Variants in KCNH8 observed in about 807,000 individuals in gnomAD.
The protein encoded by KCNH8 is potassium voltage-gated channel subfamily H member 8, also known as voltage-gated delayed rectifier potassium channel KCNH8.
Under a neutral mutation model 103.6 loss-of-function variants are expected in KCNH8, and 70 were observed. That is an observed-to-expected ratio of 0.68 (90% CI 0.56 to 0.82). The LOEUF (loss-of-function observed/expected upper bound fraction) is 0.82, where lower values mean the gene tolerates loss of function less well. Ranked by LOEUF, KCNH8 falls within the 40% of genes least tolerant of loss-of-function variation. KCNH8 has a pLI of 0.00. For synonymous variants in KCNH8, 498 were observed against 489.4 expected, an observed-to-expected ratio of 1.02 and a Z score of -0.23; for missense variants, 1,217 against 1,329.9, an observed-to-expected ratio of 0.92 and a Z score of 1.32.
chr3:19,299,433 C>T (rs1012056313), intron 3 of KCNH8, among the ~76,000 whole-genome samples: 11 of 151,904 alleles, frequency 7.2e-5, no homozygotes, highest in African/African-American at 1.5e-4. Flanking sequence ...AGTTCGAGTA[C>T]GGATTGGGCA....
chr3:19,414,586 C>T (rs1305324829), intron 7 of KCNH8, among the ~76,000 whole-genome samples: 1 of 151,904 alleles, frequency 6.6e-6, no homozygotes, highest in Non-Finnish European at 1.5e-5. Context: ...AGGAAATACA[C>T]ACACAAAAGG....
intron 15 of KCNH8, among the ~76,000 whole-genome samples, chr3:19,531,523 T>C (rs113847813): frequency 0.01 from 1,558 of 152,350 alleles, 10 homozygotes; most frequent in Middle Eastern, 0.031. Flanking sequence ...AAGTATTCAG[T>C]TGAATCCCTT....
chr3:19,294,710 C>A (rs759820569), intron 3 of KCNH8, among the ~76,000 whole-genome samples: 4 of 152,146 alleles, frequency 2.6e-5, no homozygotes, highest in Non-Finnish European at 5.9e-5. Flanking sequence ...ACAAATAATG[C>A]AAACTAGGGT....
chr3:19,503,414 C>A (rs1367553159), intron 11 of KCNH8, among the ~76,000 whole-genome samples: 1 of 152,130 alleles, frequency 6.6e-6, no homozygotes, highest in African/African-American at 2.4e-5. Context: ...TTGACCCAGC[C>A]ATCCCATTAC....
intron 7 of KCNH8, among the ~76,000 whole-genome samples, chr3:19,397,606 C>T (rs930230330): frequency 6.6e-6 from 1 of 150,910 alleles, no homozygotes; most frequent in African/African-American, 2.4e-5. Context: ...TCCACATAAA[C>T]CATCAGAGGA....
At chr3:19,275,035 C>A (rs1331611133) in intron 2 of KCNH8, among the ~76,000 whole-genome samples, 1 of 151,274 alleles carries the variant, frequency 6.6e-6, no homozygotes. Context: ...AATATGATCT[C>A]ATCATTCTTA....
chr3:19,294,080 C>G (rs1011068431), intron 3 of KCNH8, among the ~76,000 whole-genome samples: 2 of 151,818 alleles, frequency 1.3e-5, no homozygotes, highest in African/African-American at 4.9e-5. Flanking sequence ...CTTAGCCTCT[C>G]TAAATGTGTT....
intron 5 of KCNH8, among the ~76,000 whole-genome samples, chr3:19,374,369 T>G (rs1320873886): frequency 6.6e-6 from 1 of 151,798 alleles, no homozygotes; most frequent in African/African-American, 2.4e-5. Flanking sequence ...TGTAATGGCC[T>G]TCTTTGTCTC....
chr3:19,428,704 T>C (rs1178155361), intron 7 of KCNH8, among the ~76,000 whole-genome samples: 3 of 152,176 alleles, frequency 2.0e-5, no homozygotes, highest in Admixed American at 2.0e-4. Flanking sequence ...AGAAAAAGAA[T>C]AAGTAAACTT....
intron 15 of KCNH8, among the ~76,000 whole-genome samples, chr3:19,523,321 A>G (rs1294993668): frequency 2.0e-5 from 3 of 151,980 alleles, no homozygotes; most frequent in Non-Finnish European, 4.4e-5. Flanking sequence ...TATCATCACT[A>G]TGACCTAAAA....
intron 3 of KCNH8, among the ~76,000 whole-genome samples, chr3:19,333,839 C>A (rs772232819): frequency 1.9e-4 from 29 of 152,126 alleles, no homozygotes; most frequent in Non-Finnish European, 3.4e-4. Context: ...CATCAATTCT[C>A]TACATGATTC....
chr3:19,457,595 C>T (rs987510461), intron 11 of KCNH8, among the ~76,000 whole-genome samples: 3 of 151,990 alleles, frequency 2.0e-5, no homozygotes, highest in Non-Finnish European at 4.4e-5. Context: ...TGATCGTGAA[C>T]ATGACTTCAT....
Position 19,518,032 on chromosome 3 carries a change from A to T in KCNH8, c.2577A>T (p.Lys859Asn). The change falls in exon 15 of 16, where the codon AAA (lysine) becomes AAT (asparagine). Residue 859 changes from lysine (K) to asparagine (N), a missense_variant. By Grantham distance (94) the Lys-to-Asn change is moderately conservative (BLOSUM62 0). Transcript: ENST00000328405. ...TTGGAGCTGCTGTTCTCTTCATCAA[A>T]GCAGAGGAGACCAAGCAGCAGATAA... is the stretch of plus-strand genomic sequence containing the variant. ...PEIGAAVLFI[K>N]AEETKQQINK... The T allele has an allele frequency of 6.2e-7, 1 of 1,612,356 alleles. No individual in the cohort carries two copies. The highest frequency in any genetic ancestry group is 1.3e-5 in the African/African-American group (1 of 74,936).
intron 8 of KCNH8, among the ~76,000 whole-genome samples, chr3:19,443,052 T>C (rs535548529): frequency 9.2e-5 from 14 of 151,902 alleles, no homozygotes; most frequent in African/African-American, 2.9e-4. Context: ...ACTTAATTTT[T>C]ATAAATATAA....
chr3:19,207,160 G>T (rs971098852), intron 1 of KCNH8, among the ~76,000 whole-genome samples: 14 of 151,988 alleles, frequency 9.2e-5, no homozygotes, highest in Admixed American at 9.2e-4. Context: ...AACATAAATA[G>T]AAGAGTATAC....
At chr3:19,462,867 C>T (rs979758912) in intron 11 of KCNH8, among the ~76,000 whole-genome samples, 11 of 151,958 alleles carry the variant, frequency 7.2e-5, no homozygotes, top group African/African-American at 2.4e-4. Context: ...GCCAGTTTTC[C>T]CAGCACCATT....
chr3:19,453,560 G>A (rs575720729), intron 10 of KCNH8, among the ~76,000 whole-genome samples: 65 of 152,122 alleles, frequency 4.3e-4, no homozygotes, highest in Admixed American at 7.2e-4. Flanking sequence ...GAATGTCTGC[G>A]TCCCCCCAAA....
intron 7 of KCNH8, among the ~76,000 whole-genome samples, chr3:19,406,264 C>T (rs9838685): frequency 0.041 from 6,259 of 152,042 alleles, 304 homozygotes; most frequent in East Asian, 0.18. Flanking sequence ...CTGTGAAATC[C>T]CTCTCATTTA....
intron 2 of KCNH8, 28 bp from the exon 3 acceptor site, chr3:19,281,170 T>C (rs1357860625): frequency 6.2e-7 from 1 of 1,601,304 alleles, no homozygotes; most frequent in East Asian, 2.2e-5. Context: ...AATGGTTGAT[T>C]TGTATTTTTT....
Sources: gnomAD v4.1 joint callset for allele counts (sites outside exome capture counted in the v4.1 genomes callset) on GRCh38, gnomAD v4.1.1 for gene constraint, MANE v1.5 for transcripts, NCBI Gene and HGNC (gene_info 2026-07-23, HGNC 2026-07-21) for gene names.